AGAP5: variants seen among roughly 807,000 people sequenced by gnomAD.
The protein encoded by AGAP5 is ArfGAP with GTPase domain, ankyrin repeat and PH domain 5.
Under a neutral mutation model 27.7 loss-of-function variants are expected in AGAP5, and 8 were observed. The observed-to-expected ratio is 0.29, with a 90% CI of 0.17 to 0.52. The LOEUF is 0.52. Among genes scored for constraint, AGAP5 ranks in the 20% least tolerant of loss-of-function variants. The pLI, the probability that AGAP5 is intolerant of heterozygous loss-of-function variation, is 0.97. For synonymous variants in AGAP5, 111 were observed against 338.0 expected (o/e 0.33, Z 7.37); for missense variants, 285 against 880.8 (o/e 0.32, Z 8.56).
rs763743429 is a variant in AGAP5 at position 73,692,061 on chromosome 10, T to C, written c.378A>G (p.Arg126=). 4.3e-5 allele frequency: 66 copies of C among 1,525,476 alleles called. No individual in the cohort carries two copies. The highest frequency in any genetic ancestry group is 5.8e-5 in the Non-Finnish European group (66 of 1,136,114). The allele number at this position is 1,525,476 out of a possible 1,614,324, so 94.5% of individuals were successfully genotyped here. A position where few individuals can be genotyped will look rare whatever the true frequency, so the allele number is the denominator to read the frequency against. Residue 126 remains arginine, a synonymous_variant, in exon 4 of 8, where the codon AGA becomes AGG. Transcript: ENST00000374094. ...NSQTDVVEIR[R]SNCTNHVSTE... ...TACTTACATGGTTTGTACAGTTGCT[T>C]CTTCTTATTTCTACAACTAAGAATA...
At chr10:73,693,411 G>A (rs1393855798) in intron 3 of AGAP5, among the ~76,000 whole-genome samples, 2 of 152,084 alleles carry the variant, frequency 1.3e-5, no homozygotes, top group Admixed American at 1.3e-4. Context: ...AAAGACTGTG[G>A]TACTGGCCAG....
chr10:73,689,759 C>T (rs1264080080), intron 4 of AGAP5, among the ~76,000 whole-genome samples: 2 of 151,642 alleles, frequency 1.3e-5, no homozygotes, highest in African/African-American at 4.8e-5. Context: ...TGGCAGCGCC[C>T]CCGTCTGAGA....
In AGAP5 at chr10:73,697,484, C is replaced by T. The variant is rs758770458; in HGVS notation, c.223+49G>A. On this transcript the variant is annotated intron_variant, in intron 1 of 7. Transcript: ENST00000374094. Reference sequence around the variant, plus strand: ...GCCGTAAAGGGAACCTTGGGGACAGCAGCAGCCAGAGGCAAACCGAGGGTA... The same window carrying T: ...GCCGTAAAGGGAACCTTGGGGACAGTAGCAGCCAGAGGCAAACCGAGGGTA... The T allele has an allele frequency of 5.0e-6, 8 of 1,606,422 alleles. No homozygotes were observed. In the Admixed American group the frequency reaches 6.7e-5, roughly 13 times the overall value.
At chr10:73,685,883 C>A (rs899543956) in intron 4 of AGAP5, among the ~76,000 whole-genome samples, 2 of 152,060 alleles carry the variant, frequency 1.3e-5, no homozygotes, top group African/African-American at 4.8e-5. Context: ...TTGGGAACTA[C>A]AAAACATTGC....
intron 4 of AGAP5, among the ~76,000 whole-genome samples, chr10:73,685,322 T>C (rs569365519): frequency 1.1e-3 from 161 of 147,294 alleles, no homozygotes; most frequent in African/African-American, 4.0e-3. Context: ...GGGTTTGTCA[T>C]AGATGGCTTT....
chr10:73,697,788 C>T lies in AGAP5; in HGVS notation c.-33G>A, dbSNP rs2132465828. 1.3e-6 allele frequency: 2 copies of T among 1,596,732 alleles called. No homozygotes were observed. The highest frequency in any genetic ancestry group is 4.5e-5 in the East Asian group (2 of 44,876). Reference sequence around the variant, plus strand: ...CTCTACTGTCTGCCACCACCTGTGCCTCTGCTCACAGCTTTGGCCACACAC... The same window carrying T: ...CTCTACTGTCTGCCACCACCTGTGCTTCTGCTCACAGCTTTGGCCACACAC... On this transcript the variant is annotated 5_prime_UTR_variant, in exon 1 of 8. Coordinates refer to ENST00000374094, the MANE Select transcript of AGAP5 (RefSeq NM_001144000.4).
chr10:73,686,435 C>A (rs1057005747), intron 4 of AGAP5, among the ~76,000 whole-genome samples: 2 of 152,196 alleles, frequency 1.3e-5, no homozygotes, highest in African/African-American at 4.8e-5. Flanking sequence ...AAATCTATGA[C>A]CTGAAACCAT....
At chr10:73,690,900 A>C (rs1347871273) in intron 4 of AGAP5, among the ~76,000 whole-genome samples, 2 of 152,246 alleles carry the variant, frequency 1.3e-5, no homozygotes, top group East Asian at 3.8e-4. Flanking sequence ...ATATTGAACT[A>C]GGATGACAAA....
At chr10:73,678,942 C>A (rs1384365334) in intron 6 of AGAP5, among the ~76,000 whole-genome samples, 1 of 151,586 alleles carries the variant, frequency 6.6e-6, no homozygotes. Context: ...CAACCTCCAC[C>A]TCCCAGGCTC....
Position 73,697,989 on chromosome 10 carries a change from A to G in AGAP5, c.-234T>C. On this transcript the variant is annotated 5_prime_UTR_variant, in exon 1 of 8. Transcript: ENST00000374094. ...CCTCCCCTGAGTTGACTTGTCTGGGAGGGTGAAGACCAGCTGGCTTATTTA... is the reference window on the plus strand; with the variant it reads ...CCTCCCCTGAGTTGACTTGTCTGGGGGGGTGAAGACCAGCTGGCTTATTTA... 6.8e-7 allele frequency: 1 copy of G among 1,473,844 alleles called. No homozygotes were observed. The highest frequency in any genetic ancestry group is 8.9e-7 in the Non-Finnish European group (1 of 1,117,576). 91.3% of individuals were successfully genotyped at this position (1,473,844 alleles called of 1,614,324 possible).
chr10:73,683,399 A>AT (rs1162981189), intron 4 of AGAP5, among the ~76,000 whole-genome samples: 386 of 119,950 alleles, frequency 3.2e-3, no homozygotes, highest in Non-Finnish European at 5.2e-3. Context: ...GAGATTTCAT[A>AT]TTTTTTTCTA....
chr10:73,674,998 G>C lies in AGAP5; in HGVS notation c.1662C>G (p.Pro554=). Residue 554 remains proline (P), a synonymous_variant, in exon 8 of 8, where the codon CCC becomes CCG. Transcript: ENST00000374094. ...TCTCTTCCCTCGTGGACTTTACTGAGGGTTTTGTCTGCCCCTGGCTGCTCC... is the reference window on the plus strand; with the variant it reads ...TCTCTTCCCTCGTGGACTTTACTGACGGTTTTGTCTGCCCCTGGCTGCTCC... ...WEGSSQGQTK[P]SVKSTREEKE... is the part of the protein sequence containing the mutation. 3 of 1,613,148 alleles carry C rather than the reference G, an allele frequency of 1.9e-6. No individual in the cohort carries two copies. The South Asian group carries it at 3.3e-5, about 18-fold the overall frequency.
rs771223425 is a variant in AGAP5, at chr10:73,675,826, G to A, written c.834C>T (p.Ser278=). 1.7e-5 allele frequency: 27 copies of A among 1,613,396 alleles called. No homozygotes were observed. The highest frequency in any genetic ancestry group is 9.9e-5 in the South Asian group (9 of 91,040). The change falls in exon 8 of 8, where the codon AGC becomes AGT. Residue 278 remains serine (S), a synonymous_variant. Coordinates refer to ENST00000374094, the MANE Select transcript of AGAP5 (RefSeq NM_001144000.4). ...APENHADTIG[S]GRAIPIKQGM... ...CCTGTTTAATGGGGATGGCTCTGCC[G>A]CTCCCGATGGTGTCAGCATGATTCT...
chr10:73,676,475 G>C (rs891854224), intron 7 of AGAP5, among the ~76,000 whole-genome samples: 21 of 145,206 alleles, frequency 1.4e-4, no homozygotes, highest in Non-Finnish European at 2.6e-4. Flanking sequence ...TACAGAAAGA[G>C]AGTCCATCAA....
intron 4 of AGAP5, among the ~76,000 whole-genome samples, chr10:73,690,111 C>T (rs2082104364): frequency 6.6e-6 from 1 of 152,256 alleles, no homozygotes; most frequent in African/African-American, 2.4e-5. Flanking sequence ...GAGGTGTACC[C>T]ATCAGCTCAT....
chr10:73,692,869 TCTC>T (rs2082131059), intron 3 of AGAP5, among the ~76,000 whole-genome samples: 1 of 151,852 alleles, frequency 6.6e-6, no homozygotes, highest in African/African-American at 2.4e-5. Flanking sequence ...ATGGTCTTGA[TCTC>T]CTAACCTCGT....
chr10:73,685,463 G>A (rs2082055368), intron 4 of AGAP5, among the ~76,000 whole-genome samples: 1 of 151,666 alleles, frequency 6.6e-6, no homozygotes, highest in East Asian at 1.9e-4. Context: ...TTTTAATTCT[G>A]TTTATGTGGT....
At chr10:73,695,961 C>T (rs557995859) in intron 2 of AGAP5, among the ~76,000 whole-genome samples, 1 of 152,352 alleles carries the variant, frequency 6.6e-6, no homozygotes, top group East Asian at 1.9e-4. Context: ...TCTACCAGCT[C>T]CCATCCCCTG....
intron 6 of AGAP5, among the ~76,000 whole-genome samples, chr10:73,678,998 C>A (rs2082003002): frequency 6.6e-6 from 1 of 150,700 alleles, no homozygotes; most frequent in African/African-American, 2.4e-5. Flanking sequence ...GGACTACAGG[C>A]ATGCACTACC....
Sources: gnomAD v4.1 joint callset for allele counts (sites outside exome capture counted in the v4.1 genomes callset) on GRCh38, gnomAD v4.1.1 for gene constraint, MANE v1.5 for transcripts, NCBI Gene and HGNC (gene_info 2026-07-23, HGNC 2026-07-21) for gene names.